ESRRG: variants seen among roughly 807,000 people sequenced by gnomAD.
ESRRG encodes estrogen related receptor gamma, also known as estrogen-related receptor gamma.
Under a neutral mutation model 44.0 loss-of-function variants are expected in ESRRG, and 13 were observed. The ratio of observed to expected loss-of-function variants is 0.30; its 90% CI spans 0.19 to 0.47. The LOEUF is 0.47. Ranked by LOEUF, ESRRG falls within the 20% of genes least tolerant of loss-of-function variation. ESRRG has a pLI of 1.00. For missense variants in ESRRG, 395 were observed against 580.6 expected (o/e 0.68, Z 3.29); for synonymous variants, 215 against 214.6 (o/e 1.00, Z -0.02).
At chr1:216,582,692 C>A (rs947346599) in intron 3 of ESRRG, among the ~76,000 whole-genome samples, 5 of 152,170 alleles carry the variant, frequency 3.3e-5, no homozygotes, top group African/African-American at 1.2e-4. Context: ...AAGTGGTGAG[C>A]TCCATTTTCA....
intron 5 of ESRRG, among the ~76,000 whole-genome samples, chr1:216,535,672 A>C (rs527726477): frequency 3.9e-5 from 6 of 152,096 alleles, no homozygotes; most frequent in African/African-American, 1.4e-4. Flanking sequence ...CCAATTTTCT[A>C]CTTGGCCCCT....
chr1:216,559,955 T>G (rs1415603302), intron 5 of ESRRG, among the ~76,000 whole-genome samples: 1 of 152,186 alleles, frequency 6.6e-6, no homozygotes, highest in Non-Finnish European at 1.5e-5. Flanking sequence ...ATTCCTTTCA[T>G]TGCTAGAAAA....
chr1:216,735,479 A>G (rs747410824), intron 2 of ESRRG, among the ~76,000 whole-genome samples: 7 of 152,022 alleles, frequency 4.6e-5, no homozygotes, highest in Non-Finnish European at 8.8e-5. Flanking sequence ...AATTGCTGGG[A>G]TTACAGGCGT....
chr1:217,078,797 A>G (rs1286785029), intron 1 of ESRRG, among the ~76,000 whole-genome samples: 2 of 152,184 alleles, frequency 1.3e-5, no homozygotes, highest in African/African-American at 4.8e-5. Context: ...TCAGAAATAA[A>G]CTGAGGACAA....
intron 1 of ESRRG, among the ~76,000 whole-genome samples, chr1:217,133,070 T>C (rs1355180610): frequency 1.3e-5 from 2 of 152,112 alleles, no homozygotes; most frequent in Non-Finnish European, 2.9e-5. Flanking sequence ...CCCAGGGCTC[T>C]AGAGGTCAGG....
intron 2 of ESRRG, among the ~76,000 whole-genome samples, chr1:216,747,120 C>T (rs961136228): frequency 1.3e-5 from 2 of 152,122 alleles, no homozygotes; most frequent in African/African-American, 4.8e-5. Flanking sequence ...TGCTTGCACA[C>T]CCCTAATCTG....
chr1:216,765,521 C>G (rs2093030357), intron 2 of ESRRG, among the ~76,000 whole-genome samples: 1 of 152,038 alleles, frequency 6.6e-6, no homozygotes, highest in African/African-American at 2.4e-5. Flanking sequence ...ACAAGTTTAC[C>G]TAGTTTATCA....
chr1:216,913,208 T>A (rs1282202614), intron 2 of ESRRG, among the ~76,000 whole-genome samples: 1 of 152,048 alleles, frequency 6.6e-6, no homozygotes, highest in Non-Finnish European at 1.5e-5. Flanking sequence ...GTGCAGACTT[T>A]TTTTCCTTGT....
At chr1:217,111,294 G>A (rs1449959693) in intron 1 of ESRRG, among the ~76,000 whole-genome samples, 3 of 152,120 alleles carry the variant, frequency 2.0e-5, no homozygotes, top group Admixed American at 1.3e-4. Context: ...CACATGGGAT[G>A]TGACTGCACT....
chr1:216,876,569 T>G (rs1291418139), intron 2 of ESRRG, among the ~76,000 whole-genome samples: 1 of 152,206 alleles, frequency 6.6e-6, no homozygotes, highest in East Asian at 1.9e-4. Context: ...TTTATTTGTT[T>G]TTTCAAATGA....
intron 2 of ESRRG, among the ~76,000 whole-genome samples, chr1:216,660,724 G>A (rs190295410): frequency 3.5e-4 from 53 of 152,324 alleles, no homozygotes; most frequent in Admixed American, 3.1e-3. Context: ...TCTTGGCATT[G>A]TCTTTTGCTG....
chr1:216,677,303 G>A lies in ESRRG; in HGVS notation c.245C>T (p.Pro82Leu). 1 of 1,614,192 alleles carries A rather than the reference G, an allele frequency of 6.2e-7. No homozygotes were observed. The highest frequency in any genetic ancestry group is 8.5e-7 in the Non-Finnish European group (1 of 1,180,040). The stretch of plus-strand genomic sequence containing the variant: ...GATAGGAGCAGAAGGGTAGAGAGGT[G>A]GCGAGTCAAGTCCGTTCTGATGGCC... The part of the protein sequence containing the change: ...MNGHQNGLDS[P>L]PLYPSAPILG... The change falls in exon 2 of 7, where the codon CCA becomes CTA. Residue 82 changes from proline (P) to leucine (L), a missense_variant. Physicochemically the swap from Pro to Leu is moderately conservative, Grantham distance 98. This residue lies in a region of ESRRG where 148 missense variants were observed against 150.4 expected (regional missense o/e 0.98). Coordinates refer to ENST00000408911, the MANE Select transcript of ESRRG (RefSeq NM_001438.4).
intron 1 of ESRRG, among the ~76,000 whole-genome samples, chr1:217,079,394 G>A (rs550701968): frequency 6.6e-6 from 1 of 152,330 alleles, no homozygotes; most frequent in South Asian, 2.1e-4. Flanking sequence ...TAGCACGGGA[G>A]AATGTTCCCT....
At position 217,022,912 on chromosome 1, in the gene ESRRG, A is replaced by T. The variant is rs545258980; in HGVS notation, c.-106+66595T>A. 2.6e-5 allele frequency among the ~76,000 whole-genome samples: 4 copies of T among 152,278 alleles called. No homozygotes were observed. The East Asian group carries it at 7.7e-4, about 29-fold the overall frequency. The stretch of plus-strand genomic sequence containing the variant: ...GGAAGGAAGGCAGGAAAGGAGGCAG[A>T]CTAACAATCCAGTGGGACCTAGAGT... On this transcript the variant is annotated intron_variant, in intron 1 of 7. Coordinates refer to the ESRRG transcript ENST00000359162.
At chr1:217,037,631 T>A (rs548921142) in intron 1 of ESRRG, among the ~76,000 whole-genome samples, 6 of 152,128 alleles carry the variant, frequency 3.9e-5, no homozygotes, top group African/African-American at 1.4e-4. Flanking sequence ...CCAAATCTCC[T>A]ATCTTCACAT....
chr1:217,125,956 T>C (rs1276082196), intron 1 of ESRRG, among the ~76,000 whole-genome samples: 1 of 152,184 alleles, frequency 6.6e-6, no homozygotes, highest in Non-Finnish European at 1.5e-5. Flanking sequence ...ATTCAGTATT[T>C]CTAGAGCAGG....
At chr1:216,901,177 G>A (rs1003149039) in intron 2 of ESRRG, among the ~76,000 whole-genome samples, 9 of 151,860 alleles carry the variant, frequency 5.9e-5, no homozygotes, top group Non-Finnish European at 1.0e-4. Context: ...ATGGGGGGTG[G>A]GGGTGACAGG....
intron 2 of ESRRG, among the ~76,000 whole-genome samples, chr1:216,850,426 C>T (rs1017490495): frequency 2.6e-5 from 4 of 152,018 alleles, no homozygotes; most frequent in Non-Finnish European, 5.9e-5. Flanking sequence ...AGTTTATTAA[C>T]ACTTGCATTG....
chr1:216,511,576 C>T (rs2148790234), intron 6 of ESRRG, among the ~76,000 whole-genome samples: 1 of 150,660 alleles, frequency 6.6e-6, no homozygotes, highest in African/African-American at 2.5e-5. Context: ...GACAAATACA[C>T]AATGAGGTCT....
Sources: gnomAD v4.1 joint callset for allele counts (sites outside exome capture counted in the v4.1 genomes callset) on GRCh38, gnomAD v4.1.1 for gene constraint, gnomAD v4.1.1 regional missense constraint, MANE v1.5 for transcripts, NCBI Gene and HGNC (gene_info 2026-07-23, HGNC 2026-07-21) for gene names.